PARN: variants seen among roughly 807,000 people sequenced by gnomAD.
PARN encodes the protein poly(A)-specific ribonuclease PARN.
In PARN, 71 loss-of-function variants were observed where a neutral mutation model predicts 102.8. The observed-to-expected ratio is 0.69, with a 90% CI of 0.57 to 0.84. The LOEUF (loss-of-function observed/expected upper bound fraction) is 0.84. PARN is among the 40% of genes least tolerant of loss of function. The probability of loss-of-function intolerance (pLI) is 0.00; values close to 1 mark genes in which losing one functional copy is unlikely to be tolerated. For synonymous variants in PARN, 261 were observed against 252.9 expected (o/e 1.03, Z -0.30); for missense variants, 782 against 760.9 (o/e 1.03, Z -0.33).
At chr16:14,451,871 A>AAAAAAAAAAAAAAAAAAAAC in intron 22 of PARN, among the ~76,000 whole-genome samples, 1 of 33,196 alleles carries the variant, frequency 3.0e-5, no homozygotes, top group Admixed American at 3.0e-4. Context: ...AAAAAATACA[A>AAAAAAAAAAAAAAAAAAAAC]AAAAAAAAAA....
At chr16:14,565,816 T>C (rs1968394032) in intron 18 of PARN, among the ~76,000 whole-genome samples, 1 of 152,244 alleles carries the variant, frequency 6.6e-6, no homozygotes, top group South Asian at 2.1e-4. Flanking sequence ...CCTAGGCAGA[T>C]GTCTCGGCTT....
In PARN at chr16:14,496,900, C is replaced by G. The variant is rs528166773; in HGVS notation, c.1481-14073G>C. On this transcript the variant is annotated intron_variant, in intron 21 of 23. Transcript: ENST00000437198. ...TTTTCTTCCATCTTTAATCCTACCC[C>G]TGTAAAGCAGTCTTATTTTGAATAC... Among the ~76,000 whole-genome samples the G allele has an allele frequency of 3.3e-5, 5 of 152,264 alleles. No individual in the cohort carries two copies. In the South Asian group the frequency reaches 1.0e-3, roughly 32 times the overall value.
chr16:14,628,273 T>C lies in PARN; in HGVS notation c.98-22A>G, dbSNP rs377743657. 94 of 1,410,488 alleles carry C rather than the reference T, an allele frequency of 6.7e-5. 1 individual carries two copies. The highest frequency in any genetic ancestry group is 8.5e-5 in the African/African-American group (6 of 70,400). The allele number at this position is 1,410,488 out of a possible 1,614,324, so 87.4% of individuals were successfully genotyped here. Reference sequence around the variant, plus strand: ...ATTCCTAGATTTTAAGAAATAAAAATTTTTAGCTTACTAATAAATACTAAC... The same window carrying C: ...ATTCCTAGATTTTAAGAAATAAAAACTTTTAGCTTACTAATAAATACTAAC... On this transcript the variant is annotated intron_variant, in intron 2 of 23. Coordinates refer to ENST00000437198, the MANE Select transcript of PARN (RefSeq NM_002582.4).
In PARN at chr16:14,568,105, T is replaced by C. The variant is rs185482433; in HGVS notation, c.1263-12396A>G. Among the ~76,000 whole-genome samples, 34 of 152,284 alleles carry C rather than the reference T, an allele frequency of 2.2e-4. No homozygotes were observed. In the East Asian group the frequency reaches 6.0e-3, roughly 27 times the overall value. ...CATAAAATGAAGACCTACCCAGCAC[T>C]GTGGGAGGCCGAGACGGGAGAATCT... On this transcript the variant is annotated intron_variant, in intron 18 of 23. Coordinates refer to ENST00000437198, the MANE Select transcript of PARN (RefSeq NM_002582.4).
Position 14,478,062 on chromosome 16 carries a change from G to A in PARN, c.1670+4576C>T, listed in dbSNP as rs117135762. Among the ~76,000 whole-genome samples, 1,342 of 151,510 alleles carry A rather than the reference G, an allele frequency of 8.9e-3. 7 individuals carry two copies. The highest frequency in any genetic ancestry group is 0.014 in the Non-Finnish European group (952 of 67,766). ...GGATGGCCAGGTGCACAGCTCCCAC[G>A]TGTAATCCCAGCACTTTGGGAGGTG... On this transcript the variant is annotated intron_variant, in intron 22 of 23. Transcript: ENST00000437198.
intron 21 of PARN, among the ~76,000 whole-genome samples, chr16:14,500,060 T>A (rs1964505847): frequency 6.6e-6 from 1 of 152,182 alleles, no homozygotes; most frequent in Non-Finnish European, 1.5e-5. Flanking sequence ...ATGCTTTTTT[T>A]CATTCTTTGT....
intron 18 of PARN, among the ~76,000 whole-genome samples, chr16:14,559,408 T>A (rs1248998843): frequency 6.9e-6 from 1 of 145,296 alleles, no homozygotes; most frequent in East Asian, 1.9e-4. Context: ...TCAAAAGATT[T>A]GTTTTTTTTT....
At chr16:14,514,190 A>T (rs979907526) in intron 21 of PARN, among the ~76,000 whole-genome samples, 4 of 152,048 alleles carry the variant, frequency 2.6e-5, no homozygotes, top group Non-Finnish European at 5.9e-5. Flanking sequence ...GTCATTAATT[A>T]ATTTATTTTT....
At chr16:14,614,405 C>G in intron 6 of PARN, among the ~76,000 whole-genome samples, 1 of 152,132 alleles carries the variant, frequency 6.6e-6, no homozygotes, top group Non-Finnish European at 1.5e-5. Context: ...GCTGGTTATC[C>G]TTGAGGATAC....
chr16:14,608,323 T>TA lies in PARN; in HGVS notation c.621-5dup. On this transcript the variant is annotated splice_polypyrimidine_tract_variant and splice_region_variant and intron_variant, in intron 8 of 23. Coordinates refer to ENST00000437198, the MANE Select transcript of PARN (RefSeq NM_002582.4). ...ATAAATTAGTTTTCTTTGGAACCTA[T>TA]AAAAACAAAAGAAAAGGTATTGATT... is the stretch of plus-strand genomic sequence containing the variant. 2.0e-6 allele frequency: 3 copies of TA among 1,523,022 alleles called. 1 individual carries two copies. Among genetic ancestry groups the TA allele is most frequent in the East Asian group, 2.5e-5 (1 of 40,764 alleles). 94.3% of individuals were successfully genotyped at this position (1,523,022 alleles called of 1,614,324 possible). A position where few individuals can be genotyped will look rare whatever the true frequency, so the allele number is the denominator to read the frequency against.
At chr16:14,552,723 A>T (rs2055718247) in intron 20 of PARN, among the ~76,000 whole-genome samples, 1 of 152,080 alleles carries the variant, frequency 6.6e-6, no homozygotes, top group South Asian at 2.1e-4. Context: ...CCGAGGTGGG[A>T]GGATCACCTG....
chr16:14,471,414 G>C (rs1308775818), intron 22 of PARN, among the ~76,000 whole-genome samples: 1 of 151,982 alleles, frequency 6.6e-6, no homozygotes, highest in Non-Finnish European at 1.5e-5. Context: ...AAGTATTCTA[G>C]GTTTCACATC....
chr16:14,582,042 C>T, intron 17 of PARN, 139 bp downstream of exon 17: 1 of 672,522 alleles, frequency 1.5e-6, no homozygotes, highest in Non-Finnish European at 2.7e-6. Context: ...GACTTTCCAG[C>T]CTCCTGAACA....
Position 14,470,497 on chromosome 16 carries a change from C to T in PARN, c.1670+12141G>A, listed in dbSNP as rs375476865. ...TTTGAGACAGGGTCTCACTCAGTCA[C>T]CCTCGGCCAGAGTGCAGTGGTACAA... On this transcript the variant is annotated intron_variant, in intron 22 of 23. Transcript: ENST00000437198. Among the ~76,000 whole-genome samples the T allele has an allele frequency of 1.4e-4, 21 of 150,878 alleles. No individual in the cohort carries two copies. The South Asian group carries it at 4.4e-3, about 32-fold the overall frequency.
chr16:14,600,500 C>T (rs1216266902), intron 11 of PARN, among the ~76,000 whole-genome samples: 6 of 152,120 alleles, frequency 3.9e-5, no homozygotes, highest in Non-Finnish European at 8.8e-5. Context: ...GAAAACCCTC[C>T]CCTCCTCTAA....
chr16:14,518,060 G>C (rs1965542805), intron 21 of PARN, among the ~76,000 whole-genome samples: 2 of 151,870 alleles, frequency 1.3e-5, no homozygotes, highest in Non-Finnish European at 1.5e-5. Context: ...AACATGGGGA[G>C]TGGCTATGGT....
At chr16:14,452,549 C>T (rs1961511149) in intron 22 of PARN, among the ~76,000 whole-genome samples, 1 of 152,158 alleles carries the variant, frequency 6.6e-6, no homozygotes, top group Non-Finnish European at 1.5e-5. Context: ...GTTGGCCAGG[C>T]TGGTCTTGAA....
chr16:14,549,656 A>G (rs1967173652), intron 21 of PARN, among the ~76,000 whole-genome samples: 1 of 152,234 alleles, frequency 6.6e-6, no homozygotes, highest in Admixed American at 6.5e-5. Flanking sequence ...CAAGCAAGGA[A>G]TCATGCTTGT....
intron 21 of PARN, among the ~76,000 whole-genome samples, chr16:14,505,082 T>C (rs1377382137): frequency 6.6e-6 from 1 of 152,240 alleles, no homozygotes; most frequent in Non-Finnish European, 1.5e-5. Flanking sequence ...CAATGCAAGA[T>C]GCCAAATTTC....
Sources: allele counts gnomAD v4.1 joint callset (sites outside exome capture counted in the v4.1 genomes callset), GRCh38; gene constraint gnomAD v4.1.1; transcripts MANE v1.5; gene names NCBI Gene and HGNC (gene_info 2026-07-23, HGNC 2026-07-21).